HDAC9: variants seen among roughly 807,000 people sequenced by gnomAD.
The protein encoded by HDAC9 is MEF-2 interacting transcription repressor (MITR) protein.
HDAC9 carries 41 observed loss-of-function variants against 139.4 expected under a neutral mutation model. The observed-to-expected ratio is 0.29, with a 90% confidence interval of 0.23 to 0.38. The LOEUF (loss-of-function observed/expected upper bound fraction) is 0.38. Among genes scored for constraint, HDAC9 ranks in the 10% least tolerant of loss-of-function variants. HDAC9 has a pLI of 1.00. For missense variants in HDAC9, 1,147 were observed against 1,297.0 expected, an observed-to-expected ratio of 0.88 and a Z score of 1.78; for synonymous variants, 517 against 476.2, an observed-to-expected ratio of 1.09 and a Z score of -1.12.
intron 1 of HDAC9, among the ~76,000 whole-genome samples, chr7:18,117,907 CT>C (rs1015529743): frequency 1.0e-3 from 158 of 152,246 alleles, no homozygotes; most frequent in African/African-American, 3.6e-3. Flanking sequence ...TGGATTGACT[CT>C]TTCTCCTGTA....
chr7:18,260,628 T>C (rs1408270339), intron 2 of HDAC9: 1 of 154,198 alleles, frequency 6.5e-6, no homozygotes, highest in Non-Finnish European at 1.5e-5. Context: ...CAACAGACAC[T>C]ATTTAAAACA....
intron 21 of HDAC9, among the ~76,000 whole-genome samples, chr7:18,845,204 G>A (rs765048620): frequency 4.0e-5 from 6 of 151,364 alleles, no homozygotes; most frequent in Non-Finnish European, 7.4e-5. Flanking sequence ...ATGAAGGAAG[G>A]CTCACTCACC....
At chr7:18,406,458 A>G (rs148259569) in intron 1 of HDAC9, among the ~76,000 whole-genome samples, 5,726 of 151,480 alleles carry the variant, frequency 0.038, 170 homozygotes, top group Middle Eastern at 0.082. Flanking sequence ...AAGTGGTGCG[A>G]TCTCAGCTCA....
chr7:18,896,414 C>T (rs1399604051), intron 22 of HDAC9, among the ~76,000 whole-genome samples: 1 of 152,018 alleles, frequency 6.6e-6, no homozygotes, highest in East Asian at 1.9e-4. Flanking sequence ...TTTAAAAGCA[C>T]AAGGTAGAAA....
intron 21 of HDAC9, among the ~76,000 whole-genome samples, chr7:18,871,632 A>C (rs559898710): frequency 6.6e-6 from 1 of 152,350 alleles, no homozygotes; most frequent in South Asian, 2.1e-4. Flanking sequence ...TTTTTCAGAT[A>C]AAATTTTAAA....
chr7:18,857,749 T>C (rs1050184987), intron 21 of HDAC9, among the ~76,000 whole-genome samples: 1 of 152,096 alleles, frequency 6.6e-6, no homozygotes, highest in African/African-American at 2.4e-5. Flanking sequence ...ACTGTAGATG[T>C]TCAATGAATG....
chr7:18,093,845 T>G (rs1030388248), intron 1 of HDAC9, among the ~76,000 whole-genome samples: 2 of 152,188 alleles, frequency 1.3e-5, no homozygotes, highest in African/African-American at 4.8e-5. Flanking sequence ...TTCATAGATA[T>G]TCTACTTTTT....
intron 2 of HDAC9, among the ~76,000 whole-genome samples, chr7:18,553,468 G>T (rs916537484): frequency 2.0e-5 from 3 of 152,122 alleles, no homozygotes; most frequent in Non-Finnish European, 4.4e-5. Context: ...AAGGCAATAC[G>T]TGCTGCAGAC....
chr7:18,367,369 A>T (rs1784266384), intron 1 of HDAC9, among the ~76,000 whole-genome samples: 1 of 152,066 alleles, frequency 6.6e-6, no homozygotes, highest in African/African-American at 2.4e-5. Context: ...AGGGTATCAG[A>T]TTTTTATATA....
intron 6 of HDAC9, among the ~76,000 whole-genome samples, chr7:18,627,249 A>T (rs1841961926): frequency 6.6e-6 from 1 of 152,160 alleles, no homozygotes; most frequent in African/African-American, 2.4e-5. Flanking sequence ...TTTTGAAGTG[A>T]TCAATTGATT....
At chr7:18,777,350 T>C (rs919354802) in intron 16 of HDAC9, among the ~76,000 whole-genome samples, 14 of 147,598 alleles carry the variant, frequency 9.5e-5, no homozygotes, top group African/African-American at 3.5e-4. Flanking sequence ...GGGTTGGTTT[T>C]TTTCCTTGTG....
chr7:18,097,816 A>G (rs977419900), intron 1 of HDAC9, among the ~76,000 whole-genome samples: 2 of 151,958 alleles, frequency 1.3e-5, no homozygotes, highest in Non-Finnish European at 2.9e-5. Context: ...GCCTCAAGTG[A>G]TCCTCTGGAG....
chr7:18,381,923 C>T (rs532803241), intron 1 of HDAC9, among the ~76,000 whole-genome samples: 1 of 152,222 alleles, frequency 6.6e-6, no homozygotes, highest in South Asian at 2.1e-4. Context: ...GCATGAAAGA[C>T]TTTAATGCCA....
At chr7:18,257,493 A>G (rs1795354568) in intron 2 of HDAC9, among the ~76,000 whole-genome samples, 1 of 151,980 alleles carries the variant, frequency 6.6e-6, no homozygotes, top group Non-Finnish European at 1.5e-5. Context: ...CATAGAATCC[A>G]GGTGCTAAGG....
At chr7:18,705,178 G>A (rs147276206) in intron 12 of HDAC9, among the ~76,000 whole-genome samples, 2 of 152,314 alleles carry the variant, frequency 1.3e-5, no homozygotes, top group East Asian at 3.9e-4. Flanking sequence ...ACAGGTTAGA[G>A]TAGGATTTCT....
rs141151897 is a variant in HDAC9, at chr7:18,432,730, G to A, written c.-41-63532G>A. ...TGGGAGGCCGAGGTGGGCGGATCAC[G>A]AGGTCAGGAGATAGAGACCATCCTG... On this transcript the variant is annotated intron_variant, in intron 1 of 3. Coordinates refer to the HDAC9 transcript ENST00000413509. 4.6e-3 allele frequency among the ~76,000 whole-genome samples: 705 copies of A among 152,186 alleles called. 6 individuals are homozygous for A. Among genetic ancestry groups the A allele is most frequent in the African/African-American group, 0.016 (645 of 41,532 alleles).
intron 1 of HDAC9, among the ~76,000 whole-genome samples, chr7:18,438,326 T>C (rs952862182): frequency 4.6e-5 from 7 of 152,128 alleles, no homozygotes; most frequent in Non-Finnish European, 8.8e-5. Flanking sequence ...ATTCCTGTTA[T>C]CCAGTGTTGG....
At chr7:18,838,425 T>C (rs1428729295) in intron 21 of HDAC9, among the ~76,000 whole-genome samples, 1 of 151,992 alleles carries the variant, frequency 6.6e-6, no homozygotes, top group African/African-American at 2.4e-5. Context: ...GGGGTATTCA[T>C]ACTGACTGGG....
intron 21 of HDAC9, among the ~76,000 whole-genome samples, chr7:18,860,929 G>A (rs1036628792): frequency 2.6e-5 from 4 of 152,080 alleles, no homozygotes; most frequent in African/African-American, 7.2e-5. Flanking sequence ...AGTTCTCTAG[G>A]ATGTGGTCTT....
Sources: gnomAD v4.1 joint callset for allele counts (sites outside exome capture counted in the v4.1 genomes callset) on GRCh38, gnomAD v4.1.1 for gene constraint, MANE v1.5 for transcripts, NCBI Gene and HGNC (gene_info 2026-07-23, HGNC 2026-07-21) for gene names.